Variants in PLCXD3 observed in about 807,000 individuals in gnomAD.
The protein encoded by PLCXD3 is PI-PLC X domain-containing protein 3.
PLCXD3 carries 19 observed loss-of-function variants against 25.5 expected under a neutral mutation model. The observed-to-expected ratio is 0.75, with a 90% CI of 0.52 to 1.09. The LOEUF (loss-of-function observed/expected upper bound fraction) is 1.09, where lower values mean the gene tolerates loss of function less well. Ranked by LOEUF, PLCXD3 falls within the 50% of genes least tolerant of loss-of-function variation. PLCXD3 has a pLI of 0.00. For missense variants in PLCXD3, 411 were observed against 388.1 expected (o/e 1.06, Z -0.50); for synonymous variants, 174 against 137.6 (o/e 1.26, Z -1.85).
chr5:41,382,414 T>G lies in PLCXD3; in HGVS notation c.224A>C (p.Lys75Thr), dbSNP rs1745498241. ...ATTCATTGTCTGAGTGGCTAACCAT[T>G]TCCGCATGAGCTTTTTGGCCACAGT... ...FGTVAKKLMRKWLATQTMNFT... is the reference protein window; with the variant it reads ...FGTVAKKLMRTWLATQTMNFT... Residue 75 changes from lysine to threonine, a missense_variant, in exon 2 of 3, where the codon AAA becomes ACA. Lys to Thr is a moderately conservative substitution (Grantham distance 78). Coordinates refer to ENST00000377801, the MANE Select transcript of PLCXD3 (RefSeq NM_001005473.3). 2 of 1,613,396 alleles carry G rather than the reference T, an allele frequency of 1.2e-6. No homozygotes were observed. Among genetic ancestry groups the G allele is most frequent in the Middle Eastern group, 1.6e-4 (1 of 6,074 alleles).
At chr5:41,333,220 G>A (rs903149635) in intron 2 of PLCXD3, among the ~76,000 whole-genome samples, 6 of 152,096 alleles carry the variant, frequency 3.9e-5, no homozygotes, top group African/African-American at 1.2e-4. Context: ...GATCTGCAAA[G>A]TTTAAAATAA....
Position 41,307,352 on chromosome 5 carries a change from A to T in PLCXD3, c.*6265T>A, listed in dbSNP as rs1475262886. ...GAAAATGTTTCAAAATTCCATCTGC[A>T]TTCAGTCTCTGTCAAGGATTCACTG... On this transcript the variant is annotated 3_prime_UTR_variant, in exon 3 of 3. Transcript: ENST00000377801. The T allele has an allele frequency of 6.6e-6, 1 of 152,638 alleles. No individual in the cohort carries two copies. The highest frequency in any genetic ancestry group is 1.5e-5 in the Non-Finnish European group (1 of 68,038). The allele number at this position is 152,638 out of a possible 1,614,324, so 9.5% of individuals were successfully genotyped here.
At position 41,363,131 on chromosome 5, in the gene PLCXD3, G is replaced by C. The variant is rs939015161; in HGVS notation, c.812+18695C>G. 3.9e-5 allele frequency among the ~76,000 whole-genome samples: 6 copies of C among 152,310 alleles called. No individual in the cohort carries two copies. In the South Asian group the frequency reaches 1.0e-3, roughly 26 times the overall value. On this transcript the variant is annotated intron_variant, in intron 2 of 2. Coordinates refer to ENST00000377801, the MANE Select transcript of PLCXD3 (RefSeq NM_001005473.3). ...ATTAAATGACTTCTCCTGGCTTACAGAGTTAGTCGGTACATGGCAGCGCTG... is the reference window on the plus strand; with the variant it reads ...ATTAAATGACTTCTCCTGGCTTACACAGTTAGTCGGTACATGGCAGCGCTG...
chr5:41,397,948 A>G (rs145607744), intron 1 of PLCXD3, among the ~76,000 whole-genome samples: 1 of 152,268 alleles, frequency 6.6e-6, no homozygotes, highest in Non-Finnish European at 1.5e-5. Flanking sequence ...TCCAATGCCT[A>G]TTGCATCTTG....
intron 1 of PLCXD3, among the ~76,000 whole-genome samples, chr5:41,491,459 G>A (rs1239858535): frequency 6.6e-6 from 1 of 152,194 alleles, no homozygotes; most frequent in African/African-American, 2.4e-5. Context: ...TCCACTTGGT[G>A]CAGAGCTGAG....
chr5:41,510,392 G>A (rs780370854), intron 1 of PLCXD3, 32 bp downstream of exon 1: 32 of 1,563,724 alleles, frequency 2.0e-5, no homozygotes, highest in Middle Eastern at 1.7e-4. Context: ...AGCGGGCGCC[G>A]AGCGCCTAGC....
At chr5:41,358,863 T>A (rs1041814000) in intron 2 of PLCXD3, among the ~76,000 whole-genome samples, 2 of 152,202 alleles carry the variant, frequency 1.3e-5, no homozygotes, top group African/African-American at 4.8e-5. Context: ...TTGTCACACA[T>A]GGCTTTTATT....
chr5:41,353,374 T>A (rs921878994), intron 2 of PLCXD3, among the ~76,000 whole-genome samples: 10 of 152,116 alleles, frequency 6.6e-5, no homozygotes. Context: ...GTGCTGGGAT[T>A]ACAGGCGTGG....
intron 1 of PLCXD3, among the ~76,000 whole-genome samples, chr5:41,462,712 G>C (rs912028361): frequency 6.6e-6 from 1 of 151,874 alleles, no homozygotes; most frequent in East Asian, 1.9e-4. Context: ...TTGAACCTGG[G>C]GGGCAGAGGT....
rs145893357 is a variant in PLCXD3, at chr5:41,481,345, T to A, written c.103+29079A>T. Among the ~76,000 whole-genome samples the A allele has an allele frequency of 1.2e-4, 18 of 152,312 alleles. No individual in the cohort carries two copies. The East Asian group carries it at 3.5e-3, about 29-fold the overall frequency. The stretch of plus-strand genomic sequence containing the variant: ...AATGGTCACAATTACTGTGATCTCT[T>A]CCTATGAACATAATGCTATAATACA... On this transcript the variant is annotated intron_variant, in intron 1 of 2. Transcript: ENST00000377801.
At chr5:41,455,285 G>C (rs558199263) in intron 1 of PLCXD3, among the ~76,000 whole-genome samples, 1 of 152,024 alleles carries the variant, frequency 6.6e-6, no homozygotes, top group South Asian at 2.1e-4. Context: ...TGTTACAGCA[G>C]TTCTAGGAAA....
chr5:41,360,092 G>C lies in PLCXD3; in HGVS notation c.812+21734C>G, dbSNP rs142372228. The stretch of plus-strand genomic sequence containing the variant: ...GGGTTAATTTGAAATCCTTGTCTTC[G>C]AGCTCTGAAATTCTTTCTTCTGCTA... On this transcript the variant is annotated intron_variant, in intron 2 of 2. Coordinates refer to ENST00000377801, the MANE Select transcript of PLCXD3 (RefSeq NM_001005473.3). Among the ~76,000 whole-genome samples, 118 of 152,028 alleles carry C rather than the reference G, an allele frequency of 7.8e-4. 2 individuals are homozygous for C. Among genetic ancestry groups the C allele is most frequent in the Middle Eastern group, 6.8e-3 (2 of 294 alleles).
chr5:41,484,264 CA>C (rs1471027132), intron 1 of PLCXD3, among the ~76,000 whole-genome samples: 87 of 136,106 alleles, frequency 6.4e-4, no homozygotes, highest in Admixed American at 1.8e-3. Context: ...CACACACACA[CA>C]CACACACTAA....
intron 2 of PLCXD3, among the ~76,000 whole-genome samples, chr5:41,362,722 C>G (rs997259233): frequency 6.6e-6 from 1 of 152,116 alleles, no homozygotes; most frequent in Non-Finnish European, 1.5e-5. Context: ...TCGCTTTTTA[C>G]TGCTTGCTAT....
chr5:41,444,653 G>A (rs533396594), intron 1 of PLCXD3, among the ~76,000 whole-genome samples: 6 of 152,232 alleles, frequency 3.9e-5, no homozygotes, highest in Admixed American at 6.5e-5. Flanking sequence ...ATTTTAAGCA[G>A]CAGTTTCATA....
chr5:41,423,465 T>C (rs959464108), intron 1 of PLCXD3, among the ~76,000 whole-genome samples: 2 of 152,256 alleles, frequency 1.3e-5, no homozygotes, highest in East Asian at 3.9e-4. Flanking sequence ...TCAATAGTTA[T>C]GGCCTTCATT....
At chr5:41,341,302 C>T (rs1744141475) in intron 2 of PLCXD3, among the ~76,000 whole-genome samples, 1 of 152,190 alleles carries the variant, frequency 6.6e-6, no homozygotes, top group South Asian at 2.1e-4. Flanking sequence ...CTAGCTGACT[C>T]TGCGAAGTCA....
chr5:41,472,869 G>C (rs184018895), intron 1 of PLCXD3, among the ~76,000 whole-genome samples: 2 of 152,050 alleles, frequency 1.3e-5, no homozygotes, highest in Admixed American at 1.3e-4. Context: ...ATGTAAAAAA[G>C]ATAACTGTTT....
At chr5:41,428,183 C>T (rs1476173243) in intron 1 of PLCXD3, among the ~76,000 whole-genome samples, 1 of 152,130 alleles carries the variant, frequency 6.6e-6, no homozygotes, top group Non-Finnish European at 1.5e-5. Context: ...AGATCCCTTT[C>T]TGCCTCTAGC....
Sources: allele counts gnomAD v4.1 joint callset (sites outside exome capture counted in the v4.1 genomes callset), GRCh38; gene constraint gnomAD v4.1.1; transcripts MANE v1.5; gene names NCBI Gene and HGNC (gene_info 2026-07-23, HGNC 2026-07-21).